The following ENOX1 variants were observed in gnomAD, a reference collection of about 807,000 sequenced individuals.
The protein encoded by ENOX1 is ecto-NOX disulfide-thiol exchanger 1.
In ENOX1, 42 loss-of-function variants were observed where a neutral mutation model predicts 82.5. The observed-to-expected ratio is 0.51, with a 90% CI of 0.40 to 0.66. The LOEUF (loss-of-function observed/expected upper bound fraction) is 0.66. Ranked by LOEUF, ENOX1 falls within the 30% of genes least tolerant of loss-of-function variation. The probability of loss-of-function intolerance (pLI) is 0.00; values close to 1 mark genes in which losing one functional copy is unlikely to be tolerated. For missense variants in ENOX1, 608 were observed against 811.6 expected (o/e 0.75, Z 3.05); for synonymous variants, 271 against 282.2 (o/e 0.96, Z 0.40).
intron 1 of ENOX1, among the ~76,000 whole-genome samples, chr13:43,673,125 AGCAGGTTTTTAAAAACCTG>A (rs2085345358): frequency 6.6e-6 from 1 of 152,036 alleles, no homozygotes; most frequent in African/African-American, 2.4e-5. Flanking sequence ...TTTTAAAAAA[AGCAGGTTTTTAAAAACCTG>A]CTTCCTTCCA....
chr13:43,330,874 A>G (rs1227739772), intron 9 of ENOX1, among the ~76,000 whole-genome samples: 2 of 152,232 alleles, frequency 1.3e-5, no homozygotes, highest in Admixed American at 1.3e-4. Flanking sequence ...ATATATGTAT[A>G]TATTCTTCCA....
intron 1 of ENOX1, among the ~76,000 whole-genome samples, chr13:43,770,845 T>A (rs780599856): frequency 2.6e-5 from 4 of 152,076 alleles, no homozygotes; most frequent in Admixed American, 6.6e-5. Flanking sequence ...AGCATTTTTG[T>A]GGGAGAAAAA....
chr13:43,736,666 C>A (rs779798948), intron 1 of ENOX1, among the ~76,000 whole-genome samples: 5 of 152,008 alleles, frequency 3.3e-5, no homozygotes, highest in Non-Finnish European at 5.9e-5. Context: ...ACATTCTCAC[C>A]CAGATACTCT....
At chr13:43,247,862 TATATATATATATATATATA>T (rs1566329541) in intron 14 of ENOX1, among the ~76,000 whole-genome samples, 45 of 3,472 alleles carry the variant, frequency 0.013, 4 homozygotes, top group East Asian at 0.026. Flanking sequence ...TATATATATA[TATATATATATATATATATA>T]TATTTTTTTT....
At chr13:43,566,145 T>G (rs2079911673) in intron 2 of ENOX1, among the ~76,000 whole-genome samples, 1 of 152,196 alleles carries the variant, frequency 6.6e-6, no homozygotes, top group African/African-American at 2.4e-5. Context: ...ACACAAATGT[T>G]GAATATAAGT....
At chr13:43,677,605 C>G (rs954375388) in intron 1 of ENOX1, among the ~76,000 whole-genome samples, 1 of 152,172 alleles carries the variant, frequency 6.6e-6, no homozygotes, top group African/African-American at 2.4e-5. Flanking sequence ...ACACTTGATA[C>G]CTTGAGGTGC....
intron 16 of ENOX1, among the ~76,000 whole-genome samples, chr13:43,218,229 A>G (rs1440570419): frequency 6.6e-6 from 1 of 152,264 alleles, no homozygotes; most frequent in Non-Finnish European, 1.5e-5. Flanking sequence ...AGTGTAAGAT[A>G]TAACAGCTGG....
intron 2 of ENOX1, among the ~76,000 whole-genome samples, chr13:43,553,997 C>T (rs894826180): frequency 6.6e-6 from 1 of 152,170 alleles, no homozygotes; most frequent in East Asian, 1.9e-4. Context: ...GATCCACACA[C>T]CTTGGTCTCC....
rs1288022097 is a variant in ENOX1, at chr13:43,736,593, G to A, written c.-285+50059C>T. ...GACAAACTGTGAAGTGGCATGCATT[G>A]TCTGGTGAATTACTTTATCCCGCTT... On this transcript the variant is annotated intron_variant, in intron 1 of 16. Coordinates refer to ENST00000690772, the MANE Select transcript of ENOX1 (RefSeq NM_001347969.2). Among the ~76,000 whole-genome samples the A allele has an allele frequency of 2.0e-5, 3 of 152,138 alleles. No individual in the cohort carries two copies. The East Asian group carries it at 5.8e-4, about 29-fold the overall frequency.
chr13:43,468,738 T>C (rs542942862), intron 3 of ENOX1, among the ~76,000 whole-genome samples: 142 of 152,330 alleles, frequency 9.3e-4, no homozygotes, highest in African/African-American at 2.8e-3. Context: ...AAGCTTTCTA[T>C]GATTATGGTG....
intron 5 of ENOX1, among the ~76,000 whole-genome samples, chr13:43,364,361 T>A (rs2050711545): frequency 2.0e-5 from 3 of 152,038 alleles, no homozygotes; most frequent in African/African-American, 7.2e-5. Flanking sequence ...CAAGAAAGAA[T>A]CCAATTACGT....
intron 3 of ENOX1, among the ~76,000 whole-genome samples, chr13:43,437,892 A>G (rs1347635277): frequency 6.6e-6 from 1 of 152,250 alleles, no homozygotes; most frequent in East Asian, 1.9e-4. Flanking sequence ...GAAACAACAC[A>G]GAAGAAAAAA....
intron 3 of ENOX1, among the ~76,000 whole-genome samples, chr13:43,413,278 C>A (rs2296043): frequency 1.3e-5 from 2 of 152,162 alleles, no homozygotes; most frequent in East Asian, 3.9e-4. Flanking sequence ...ACTGAAGCAC[C>A]TTCACAAATG....
intron 12 of ENOX1, among the ~76,000 whole-genome samples, chr13:43,283,592 C>T (rs146942278): frequency 2.6e-5 from 4 of 151,962 alleles, no homozygotes; most frequent in African/African-American, 9.6e-5. Context: ...ACCACAGGCA[C>T]GTGCTACTAT....
chr13:43,741,756 ATC>A (rs1949751334), intron 1 of ENOX1, among the ~76,000 whole-genome samples: 1 of 152,170 alleles, frequency 6.6e-6, no homozygotes, highest in Admixed American at 6.5e-5. Context: ...AGTCCAATTT[ATC>A]TGTTTTTTGT....
At chr13:43,269,349 G>T in intron 13 of ENOX1, 121 bp downstream of exon 13, 1 of 755,454 alleles carries the variant, frequency 1.3e-6, no homozygotes, top group Non-Finnish European at 2.3e-6. Context: ...AGTTTGACAG[G>T]GTTCAGACTA....
At chr13:43,456,067 A>G (rs2057213286) in intron 3 of ENOX1, among the ~76,000 whole-genome samples, 1 of 152,128 alleles carries the variant, frequency 6.6e-6, no homozygotes, top group South Asian at 2.1e-4. Context: ...CTATAAGTTT[A>G]ATTTCCAATA....
chr13:43,463,299 G>T (rs759995454), intron 3 of ENOX1, among the ~76,000 whole-genome samples: 2 of 152,102 alleles, frequency 1.3e-5, no homozygotes, highest in Non-Finnish European at 2.9e-5. Context: ...CAAGTTACTA[G>T]GCATGACAGC....
chr13:43,780,866 C>T (rs1952216545), intron 1 of ENOX1, among the ~76,000 whole-genome samples: 1 of 152,202 alleles, frequency 6.6e-6, no homozygotes, highest in South Asian at 2.1e-4. Context: ...TTACAGACCT[C>T]ACCTGTGGCT....
Sources: gnomAD v4.1 joint callset for allele counts (sites outside exome capture counted in the v4.1 genomes callset) on GRCh38, gnomAD v4.1.1 for gene constraint, MANE v1.5 for transcripts, NCBI Gene and HGNC (gene_info 2026-07-23, HGNC 2026-07-21) for gene names.